The following BARD1 variants were observed in gnomAD, a reference collection of about 807,000 sequenced individuals.
BARD1 encodes BRCA1-associated RING domain protein 1.
A neutral mutation model predicts 77.0 loss-of-function variants in BARD1; 73 were observed. The ratio of observed to expected loss-of-function variants is 0.95; its 90% CI spans 0.79 to 1.15. BARD1 has a LOEUF of 1.15. Among genes scored for constraint, BARD1 ranks in the 50% most tolerant of loss-of-function variants. BARD1 has a pLI of 0.00. For synonymous variants in BARD1, 384 were observed against 338.0 expected (o/e 1.14, Z -1.49); for missense variants, 993 against 938.8 (o/e 1.06, Z -0.75).
chr2:214,727,962 CAG>C lies in BARD1; in HGVS notation c.*712_*713del, dbSNP rs1421696898. Reference sequence around the variant, plus strand: ...TATATATACACATGTAGTAGATAAACAGAGTTACAAATTGATAGTTACAAGCA... The same window carrying C: ...TATATATACACATGTAGTAGATAAACAGTTACAAATTGATAGTTACAAGCA... On this transcript the variant is annotated 3_prime_UTR_variant, in exon 11 of 11. Transcript: ENST00000260947. The C allele has an allele frequency of 2.3e-5, 5 of 214,696 alleles. No homozygotes were observed. Among genetic ancestry groups the C allele is most frequent in the Non-Finnish European group, 4.7e-5 (5 of 106,610 alleles). The allele number at this position is 214,696 out of a possible 1,614,324, so 13.3% of individuals were successfully genotyped here.
At chr2:214,739,689 A>G (rs1425530906) in intron 9 of BARD1, among the ~76,000 whole-genome samples, 1 of 152,168 alleles carries the variant, frequency 6.6e-6, no homozygotes, top group Admixed American at 6.5e-5. Context: ...GGCTGAAAAT[A>G]TAAAATAAAG....
At chr2:214,735,445 T>C (rs1371564401) in intron 9 of BARD1, among the ~76,000 whole-genome samples, 3 of 152,176 alleles carry the variant, frequency 2.0e-5, no homozygotes, top group Non-Finnish European at 4.4e-5. Context: ...ACAAAAGCAC[T>C]GTGAGTATTG....
At chr2:214,749,470 C>T (rs554954451) in intron 7 of BARD1, among the ~76,000 whole-genome samples, 1 of 152,250 alleles carries the variant, frequency 6.6e-6, no homozygotes, top group African/African-American at 2.4e-5. Context: ...ACATGACATG[C>T]CCAAAGTATA....
At chr2:214,777,578 G>A (rs1215051551) in intron 4 of BARD1, among the ~76,000 whole-genome samples, 1 of 152,172 alleles carries the variant, frequency 6.6e-6, no homozygotes, top group Non-Finnish European at 1.5e-5. Flanking sequence ...TTCTGAAGTA[G>A]GTGGGTACAA....
intron 6 of BARD1, among the ~76,000 whole-genome samples, chr2:214,758,244 T>G (rs543345832): frequency 6.6e-6 from 1 of 152,312 alleles, no homozygotes; most frequent in African/African-American, 2.4e-5. Flanking sequence ...ATTACTTAAA[T>G]CCCGTGCCTG....
chr2:214,745,813 T>C lies in BARD1; in HGVS notation c.1719A>G (p.Ile573Met), dbSNP rs1272044533. The C allele has an allele frequency of 6.2e-7, 1 of 1,614,032 alleles. No homozygotes were observed. The highest frequency in any genetic ancestry group is 1.7e-5 in the Admixed American group (1 of 60,018). ...GTTGTTCTGAAGACAGCCCACTGCCTATAAGTACAAGAGGTCCATCCCTAC... is the reference window on the plus strand; with the variant it reads ...GTTGTTCTGAAGACAGCCCACTGCCCATAAGTACAAGAGGTCCATCCCTAC... The part of the protein sequence containing the change: ...GQRRDGPLVL[I>M]GSGLSSEQQK... Residue 573 changes from isoleucine to methionine, a missense_variant, in exon 8 of 11, where the codon ATA becomes ATG. Transcript: ENST00000260947.
chr2:214,730,246 T>C (rs947424851), intron 10 of BARD1, 165 bp downstream of exon 10: 2 of 663,404 alleles, frequency 3.0e-6, no homozygotes, highest in South Asian at 1.8e-5. Context: ...TTCTGGATTT[T>C]ACTGCTCATC....
At chr2:214,787,560 T>C (rs1695328252) in intron 3 of BARD1, among the ~76,000 whole-genome samples, 1 of 152,094 alleles carries the variant, frequency 6.6e-6, no homozygotes, top group Non-Finnish European at 1.5e-5. Context: ...TATGGGTGAA[T>C]GCTTCTCAGC....
Position 214,767,671 on chromosome 2 carries a change from A to T in BARD1, c.1396-17T>A. On this transcript the variant is annotated splice_polypyrimidine_tract_variant and intron_variant, in intron 5 of 10. Transcript: ENST00000260947. ...AGCTTCATGCTAATTAAATTTTTTGAAAAAGAAGTGAAAGAAGTGATAAGA... is the reference window on the plus strand; with the variant it reads ...AGCTTCATGCTAATTAAATTTTTTGTAAAAGAAGTGAAAGAAGTGATAAGA... 2 of 1,612,408 alleles carry T rather than the reference A, an allele frequency of 1.2e-6. No homozygotes were observed. Among genetic ancestry groups the T allele is most frequent in the Non-Finnish European group, 1.7e-6 (2 of 1,178,868 alleles).
chr2:214,772,032 T>C (rs1187490174), intron 4 of BARD1, among the ~76,000 whole-genome samples: 2 of 151,790 alleles, frequency 1.3e-5, no homozygotes, highest in Non-Finnish European at 2.9e-5. Flanking sequence ...AATGGCATGA[T>C]CATAGCTCAC....
intron 7 of BARD1, among the ~76,000 whole-genome samples, chr2:214,746,948 C>T (rs897098832): frequency 7.2e-5 from 11 of 151,994 alleles, no homozygotes; most frequent in South Asian, 2.1e-4. Flanking sequence ...ATTTTTGCAA[C>T]CTACTCATCT....
At chr2:214,748,049 C>T (rs1384419894) in intron 7 of BARD1, among the ~76,000 whole-genome samples, 1 of 152,018 alleles carries the variant, frequency 6.6e-6, no homozygotes, top group Non-Finnish European at 1.5e-5. Flanking sequence ...ATTTATATAA[C>T]TCCACTTCAG....
chr2:214,808,716 T>C (rs6715570), intron 1 of BARD1, among the ~76,000 whole-genome samples: 110,595 of 151,634 alleles, frequency 0.73, 40,357 homozygotes, highest in East Asian at 0.8. Flanking sequence ...GTAACACTCA[T>C]GAAAATGTCT....
intron 6 of BARD1, among the ~76,000 whole-genome samples, chr2:214,754,970 A>T (rs1693625249): frequency 6.6e-6 from 1 of 151,982 alleles, no homozygotes; most frequent in Non-Finnish European, 1.5e-5. Flanking sequence ...AGACCATAGC[A>T]AGAGAAGATG....
chr2:214,767,751 C>G, intron 5 of BARD1, 97 bp from the exon 6 acceptor site: 1 of 1,171,242 alleles, frequency 8.5e-7, no homozygotes, highest in Admixed American at 2.1e-5. Context: ...ATGTAAACGT[C>G]AGGCAGTAAA....
At chr2:214,733,072 GTT>G (rs1272074798) in intron 9 of BARD1, among the ~76,000 whole-genome samples, 18 of 152,168 alleles carry the variant, frequency 1.2e-4, no homozygotes, top group Non-Finnish European at 4.4e-5. Flanking sequence ...CTACCTTCTT[GTT>G]TTAAAGATCT....
rs753479021 is a variant in BARD1, at chr2:214,752,538, C to T, written c.1586G>A (p.Arg529Gln). ...SRNAVNIFGL[R>Q]PVDYTDDESM... ...TTCATCATCTGTATAATCGACAGGC[C>T]GCAGACCAAATATATTACTGGTAAA... Residue 529 changes from arginine to glutamine, a missense_variant, in exon 7 of 11, where the codon CGG (arginine) becomes CAG (glutamine). By Grantham distance (43) the Arg-to-Gln change is conservative (BLOSUM62 1). Coordinates refer to ENST00000260947, the MANE Select transcript of BARD1 (RefSeq NM_000465.4). The T allele has an allele frequency of 3.3e-5, 54 of 1,613,180 alleles. No homozygotes were observed. The East Asian group carries it at 7.6e-4, about 23-fold the overall frequency.
intron 4 of BARD1, among the ~76,000 whole-genome samples, chr2:214,778,908 T>C (rs1329312263): frequency 1.3e-5 from 2 of 152,106 alleles, no homozygotes; most frequent in Non-Finnish European, 2.9e-5. Context: ...TCCAAAAATT[T>C]CCCAGAAAGC....
At chr2:214,769,893 C>G (rs999753308) in intron 4 of BARD1, among the ~76,000 whole-genome samples, 2 of 152,168 alleles carry the variant, frequency 1.3e-5, no homozygotes, top group Admixed American at 6.5e-5. Context: ...GGCCAAAGAT[C>G]ATGTGCTCAC....
Sources: allele counts gnomAD v4.1 joint callset (sites outside exome capture counted in the v4.1 genomes callset), GRCh38; gene constraint gnomAD v4.1.1; transcripts MANE v1.5; gene names NCBI Gene and HGNC (gene_info 2026-07-23, HGNC 2026-07-21).